Variants in NUAK1 observed in about 807,000 individuals in gnomAD.
NUAK1 encodes NUAK family kinase 1.
In NUAK1, 26 loss-of-function variants were observed where a neutral mutation model predicts 56.9. The observed-to-expected ratio is 0.46, with a 90% CI of 0.33 to 0.63. The LOEUF is 0.63. Ranked by LOEUF, NUAK1 falls within the 30% of genes least tolerant of loss-of-function variation. The probability of loss-of-function intolerance (pLI) is 0.02; values close to 1 mark genes in which losing one functional copy is unlikely to be tolerated. For missense variants in NUAK1, 727 were observed against 876.1 expected (o/e 0.83, Z 2.15); for synonymous variants, 337 against 336.0 (o/e 1.00, Z -0.03).
At chr12:106,093,650 G>A (rs964934633) in intron 2 of NUAK1, among the ~76,000 whole-genome samples, 6 of 152,218 alleles carry the variant, frequency 3.9e-5, no homozygotes, top group Non-Finnish European at 8.8e-5. Context: ...CGTGACAGCC[G>A]AATATACTGG....
chr12:106,123,941 G>A lies in NUAK1; in HGVS notation c.240+14473C>T, dbSNP rs543845358. On this transcript the variant is annotated intron_variant, in intron 1 of 6. Coordinates refer to ENST00000261402, the MANE Select transcript of NUAK1 (RefSeq NM_014840.3). The stretch of plus-strand genomic sequence containing the variant: ...GAGTACAAGCCTCCTAAATTCCACC[G>A]GAAAATTGGTGGCTAATCCAAACAT... 2.6e-5 allele frequency among the ~76,000 whole-genome samples: 4 copies of A among 152,248 alleles called. No individual in the cohort carries two copies. The South Asian group carries it at 6.2e-4, about 24-fold the overall frequency.
chr12:106,067,125 C>G lies in NUAK1; in HGVS notation c.1663G>C (p.Gly555Arg). The G allele has an allele frequency of 6.2e-7, 1 of 1,614,202 alleles. No individual in the cohort carries two copies. Among genetic ancestry groups the G allele is most frequent in the Non-Finnish European group, 8.5e-7 (1 of 1,180,042 alleles). ...CGGGAGAGGCCCTCGGCAGGGACAC[C>G]AGGCTCTGACAGGGATTCCAGTGTG... ...MPTLESLSEPGVPAEGLSRSY... is the reference protein window; with the variant it reads ...MPTLESLSEPRVPAEGLSRSY... The change falls in exon 7 of 7, where the codon GGT becomes CGT. Residue 555 changes from glycine to arginine, a missense_variant. Gly to Arg is a moderately radical substitution (Grantham distance 125). Coordinates refer to ENST00000261402, the MANE Select transcript of NUAK1 (RefSeq NM_014840.3). This position sits in a 1 kb window ranked among gnomAD's most constrained non-coding sequence, Gnocchi z 6.0.
intron 1 of NUAK1, among the ~76,000 whole-genome samples, chr12:106,130,603 G>A (rs928678413): frequency 6.6e-6 from 1 of 152,218 alleles, no homozygotes; most frequent in Non-Finnish European, 1.5e-5. Context: ...CACCAGGGCT[G>A]CCAAGCAGGG....
At chr12:106,108,854 C>T (rs2032830982) in intron 1 of NUAK1, among the ~76,000 whole-genome samples, 1 of 152,128 alleles carries the variant, frequency 6.6e-6, no homozygotes, top group Non-Finnish European at 1.5e-5. Flanking sequence ...TCCAGCGAGG[C>T]GGAGGGTCCC....
intron 2 of NUAK1, among the ~76,000 whole-genome samples, chr12:106,089,751 T>C (rs1488397704): frequency 2.0e-5 from 3 of 152,160 alleles, no homozygotes; most frequent in Non-Finnish European, 2.9e-5. Flanking sequence ...ATCACACCAC[T>C]GCACCCCAGC....
intron 1 of NUAK1, among the ~76,000 whole-genome samples, chr12:106,121,497 C>T (rs2032974497): frequency 6.6e-6 from 1 of 152,196 alleles, no homozygotes; most frequent in Non-Finnish European, 1.5e-5. Flanking sequence ...CACCTGTAAT[C>T]CCAGCACTTT....
chr12:106,067,823 T>A lies in NUAK1; in HGVS notation c.965A>T (p.Asp322Val), dbSNP rs905955696. ...CCGAGCCAGGAGTGGGGACTCAGAG[T>A]CATGGAGGGCATCACAGTCACACAC... is the stretch of plus-strand genomic sequence containing the variant. ...SSVCDCDALH[D>V]SESPLLARII... Residue 322 changes from aspartate (D) to valine (V), a missense_variant, in exon 7 of 7, where the codon GAC becomes GTC. Transcript: ENST00000261402. This position sits in a 1 kb window ranked among gnomAD's most constrained non-coding sequence, Gnocchi z 6.0. The A allele has an allele frequency of 6.2e-6, 10 of 1,613,864 alleles. No homozygotes were observed. Among genetic ancestry groups the A allele is most frequent in the Non-Finnish European group, 8.5e-6 (10 of 1,179,960 alleles).
rs2033156008 is a variant in NUAK1 at position 106,138,779 on chromosome 12, C to A, written c.-126G>T. On this transcript the variant is annotated 5_prime_UTR_variant, in exon 1 of 7. Transcript: ENST00000261402. The surrounding 1 kb of genome is among the most constrained non-coding windows in gnomAD (Gnocchi z 5.0). ...CCCCCGCAGCATCAGGGAGGCGGCC[C>A]GATACCGCTCGGACTGCGGCTCGGT... The A allele has an allele frequency of 7.8e-7, 1 of 1,287,788 alleles. No individual in the cohort carries two copies. 79.8% of individuals were successfully genotyped at this position (1,287,788 alleles called of 1,614,324 possible). A position where few individuals can be genotyped will look rare whatever the true frequency, so the allele number is the denominator to read the frequency against.
intron 1 of NUAK1, among the ~76,000 whole-genome samples, chr12:106,119,146 T>G (rs1358345187): frequency 6.6e-6 from 1 of 152,238 alleles, no homozygotes; most frequent in African/African-American, 2.4e-5. Flanking sequence ...ATGACTGAGA[T>G]AAAGGTAGGT....
chr12:106,069,341 C>T (rs113008430), intron 6 of NUAK1, among the ~76,000 whole-genome samples: 6 of 152,284 alleles, frequency 3.9e-5, no homozygotes, highest in African/African-American at 1.4e-4. Flanking sequence ...TACAAATTGT[C>T]CTTTTCTCAG....
At chr12:106,093,525 G>T (rs190347512) in intron 2 of NUAK1, among the ~76,000 whole-genome samples, 2 of 152,336 alleles carry the variant, frequency 1.3e-5, no homozygotes, top group Admixed American at 1.3e-4. Flanking sequence ...AGCTCTCGAG[G>T]TTAACAACAC....
chr12:106,072,877 T>A, intron 4 of NUAK1, 34 bp from the exon 5 acceptor site: 1 of 1,612,316 alleles, frequency 6.2e-7, no homozygotes, highest in Non-Finnish European at 8.5e-7. Context: ...GGAGACTTGT[T>A]AGCATTCCAG....
chr12:106,090,727 C>A (rs114712332), intron 2 of NUAK1, among the ~76,000 whole-genome samples: 1 of 152,138 alleles, frequency 6.6e-6, no homozygotes, highest in East Asian at 1.9e-4. Context: ...GCCCTCAGCA[C>A]GGTGCCCCGG....
rs1427793 is a variant in NUAK1 at position 106,064,460 on chromosome 12, T to C, written c.*2342A>G. On this transcript the variant is annotated 3_prime_UTR_variant, in exon 7 of 7. Coordinates refer to ENST00000261402, the MANE Select transcript of NUAK1 (RefSeq NM_014840.3). ...GAGTGGAGGACTTTCTCTGCCACAG[T>C]CCACTGGCTGAGTTTCCTGACAAAA... 0.29 allele frequency: 44,711 copies of C among 152,142 alleles called. 7,461 individuals are homozygous for C. Among genetic ancestry groups the C allele is most frequent in the African/African-American group, 0.45 (18,545 of 41,490 alleles). 9.4% of individuals were successfully genotyped at this position (152,142 alleles called of 1,614,324 possible).
At chr12:106,084,402 T>G (rs1016040357) in intron 3 of NUAK1, among the ~76,000 whole-genome samples, 1 of 152,212 alleles carries the variant, frequency 6.6e-6, no homozygotes, top group Admixed American at 6.5e-5. Context: ...TGGAAAGACA[T>G]CTGGCTCAAT....
intron 1 of NUAK1, among the ~76,000 whole-genome samples, chr12:106,127,873 G>T (rs369419212): frequency 6.6e-6 from 1 of 152,228 alleles, no homozygotes; most frequent in African/African-American, 2.4e-5. Context: ...AATGCCCCGT[G>T]CCCAGGCTGC....
At chr12:106,092,582 G>T (rs1469097351) in intron 2 of NUAK1, among the ~76,000 whole-genome samples, 1 of 152,052 alleles carries the variant, frequency 6.6e-6, no homozygotes, top group Non-Finnish European at 1.5e-5. Context: ...GCTCAATGTC[G>T]TCAAAGATTG....
rs150240357 is a variant in NUAK1 at position 106,108,174 on chromosome 12, G to GA, written c.241-1650dup. Among the ~76,000 whole-genome samples, 1,051 of 149,730 alleles carry GA rather than the reference G, an allele frequency of 7.0e-3. 11 individuals are homozygous for GA. The highest frequency in any genetic ancestry group is 0.024 in the African/African-American group (996 of 40,888). On this transcript the variant is annotated intron_variant, in intron 1 of 6. Transcript: ENST00000261402. Reference sequence around the variant, plus strand: ...CCAGAGAGGTGGTAGCAGAACTGGGGAAAAAAAAAGGGGGAACCACCCCAG... The same window carrying GA: ...CCAGAGAGGTGGTAGCAGAACTGGGGAAAAAAAAAAGGGGGAACCACCCCAG...
chr12:106,138,598 G>GCCCCCAGCCCCAAGTCGGGGCGGT lies in NUAK1; in HGVS notation c.32_55dup (p.Asp11_Gly18dup). 1 of 1,566,434 alleles carries GCCCCCAGCCCCAAGTCGGGGCGGT rather than the reference G, an allele frequency of 6.4e-7. No individual in the cohort carries two copies. Among genetic ancestry groups the GCCCCCAGCCCCAAGTCGGGGCGGT allele is most frequent in the Non-Finnish European group, 8.6e-7 (1 of 1,163,776 alleles). On this transcript the variant is annotated inframe_insertion, in exon 1 of 7. Coordinates refer to ENST00000261402, the MANE Select transcript of NUAK1 (RefSeq NM_014840.3). The surrounding 1 kb of genome is among the most constrained non-coding windows in gnomAD (Gnocchi z 5.0). ...CACCGCCTCTCGGGGAGAGCCCGGC[G>GCCCCCAGCCCCAAGTCGGGGCGGT]CCCCCAGCCCCAAGTCGGGGCGGTC...
Sources: gnomAD v4.1 joint callset for allele counts (sites outside exome capture counted in the v4.1 genomes callset) on GRCh38, gnomAD v4.1.1 for gene constraint, Gnocchi (gnomAD v3.1) non-coding constraint, MANE v1.5 for transcripts, NCBI Gene and HGNC (gene_info 2026-07-23, HGNC 2026-07-21) for gene names.